Variants in ZNF846 observed in about 807,000 individuals in gnomAD.
ZNF846 encodes the protein zinc finger protein 846, also known as zinc finger protein 420 pseudogene.
A neutral mutation model predicts 16.0 loss-of-function variants in ZNF846; 15 were observed. The ratio of observed to expected loss-of-function variants is 0.94; its 90% confidence interval spans 0.63 to 1.45. The LOEUF is 1.45. Among genes scored for constraint, ZNF846 ranks in the 40% most tolerant of loss-of-function variants. ZNF846 has a pLI of 0.00. For synonymous variants in ZNF846, 229 were observed against 212.0 expected, an observed-to-expected ratio of 1.08 and a Z score of -0.70; for missense variants, 714 against 622.3, an observed-to-expected ratio of 1.15 and a Z score of -1.57.
chr19:9,753,418 ATT>A (rs575904125), downstream of ZNF846, among the ~76,000 whole-genome samples: 9 of 135,548 alleles, frequency 6.6e-5, no homozygotes, highest in Middle Eastern at 3.8e-3. Context: ...CACTGGGCTG[ATT>A]TTTTTTTTTT....
At chr19:9,758,871 A>G (rs2045177874) in intron 5 of ZNF846, 107 bp from the exon 6 acceptor site, 1 of 963,422 alleles carries the variant, frequency 1.0e-6, no homozygotes, top group Non-Finnish European at 1.5e-6. Flanking sequence ...TAAACATTTT[A>G]ACATATCCAT....
At chr19:9,755,319 A>G (rs1469304092), downstream of ZNF846, among the ~76,000 whole-genome samples, 1 of 151,770 alleles carries the variant, frequency 6.6e-6, no homozygotes, top group East Asian at 1.9e-4. Flanking sequence ...TGTCCATGAC[A>G]AGTCGTCATG....
chr19:9,769,697 T>C (rs1212122339), upstream of ZNF846, among the ~76,000 whole-genome samples: 1 of 151,240 alleles, frequency 6.6e-6, no homozygotes, highest in Non-Finnish European at 1.5e-5. Context: ...CTGATGGGGC[T>C]GGGGGCAGTG....
At position 9,758,730 on chromosome 19, in the gene ZNF846, G is replaced by A. The variant is rs758767895; in HGVS notation, c.347C>T (p.Ser116Phe). Reference sequence around the variant, plus strand: ...ATTGAAGACTTTTCCAGAATGGTTAGAGTCATACAGTTTCTCTGCAGTATT... The same window carrying A: ...ATTGAAGACTTTTCCAGAATGGTTAAAGTCATACAGTTTCTCTGCAGTATT... Residue 116 changes from serine (S) to phenylalanine (F), a missense_variant, in exon 6 of 6, where the codon TCT (serine) becomes TTT (phenylalanine). Transcript: ENST00000397902. 24 of 1,588,278 alleles carry A rather than the reference G, an allele frequency of 1.5e-5. No individual in the cohort carries two copies. Among genetic ancestry groups the A allele is most frequent in the Admixed American group, 3.6e-5 (2 of 55,804 alleles).
intron 1 of ZNF846, among the ~76,000 whole-genome samples, chr19:9,783,190 C>CT (rs1036501781): frequency 2.7e-5 from 4 of 147,970 alleles, no homozygotes; most frequent in Non-Finnish European, 4.5e-5. Context: ...AAATACAGAC[C>CT]TGAGTACCTG....
downstream of ZNF846, among the ~76,000 whole-genome samples, chr19:9,751,266 C>T (rs1364387647): frequency 6.6e-6 from 1 of 152,174 alleles, no homozygotes; most frequent in African/African-American, 2.4e-5. Context: ...ATCTCTCCCA[C>T]TTTAGGTTCC....
At chr19:9,779,688 A>G (rs1359938277) in intron 1 of ZNF846, among the ~76,000 whole-genome samples, 2 of 151,540 alleles carry the variant, frequency 1.3e-5, no homozygotes, top group Non-Finnish European at 1.5e-5. Flanking sequence ...CTCCTGCCTC[A>G]GCCTCCCAAG....
chr19:9,770,349 T>A (rs1038505827), upstream of ZNF846, among the ~76,000 whole-genome samples: 3 of 151,366 alleles, frequency 2.0e-5, no homozygotes, highest in Non-Finnish European at 4.4e-5. Flanking sequence ...ACACGTGGTG[T>A]TTGGCTTGTT....
intron 1 of ZNF846, among the ~76,000 whole-genome samples, chr19:9,780,316 G>A (rs1054860859): frequency 1.3e-5 from 2 of 151,776 alleles, no homozygotes; most frequent in Non-Finnish European, 2.9e-5. Context: ...TGATCCTCCC[G>A]CCCCAGCCTC....
chr19:9,764,758 C>G, intron 2 of ZNF846, 178 bp downstream of exon 2: 1 of 695,838 alleles, frequency 1.4e-6, no homozygotes, highest in Non-Finnish European at 2.5e-6. Flanking sequence ...CAATACACTT[C>G]CATTGCAATC....
upstream of ZNF846, among the ~76,000 whole-genome samples, chr19:9,772,970 T>C (rs1351914721): frequency 6.6e-6 from 1 of 151,972 alleles, no homozygotes; most frequent in East Asian, 1.9e-4. Context: ...AGTGGGAGGA[T>C]TGCTTGAACC....
chr19:9,763,874 GGA>G (rs1240952321), intron 2 of ZNF846, among the ~76,000 whole-genome samples: 1 of 152,154 alleles, frequency 6.6e-6, no homozygotes, highest in African/African-American at 2.4e-5. Flanking sequence ...ATTTCTGTAG[GGA>G]GACCCACTGA....
Position 9,774,150 on chromosome 19 carries a change from A to G in ZNF846, c.-85-9115T>C, listed in dbSNP as rs150203606. On this transcript the variant is annotated intron_variant, in intron 1 of 4. Transcript: ENST00000586814. Reference sequence around the variant, plus strand: ...ATGACTTAACATCATATAGATAGCAATTCTTAACAGGTTAACTCAAAAATA... The same window carrying G: ...ATGACTTAACATCATATAGATAGCAGTTCTTAACAGGTTAACTCAAAAATA... Among the ~76,000 whole-genome samples, 924 of 152,292 alleles carry G rather than the reference A, an allele frequency of 6.1e-3. 9 individuals carry two copies. The highest frequency in any genetic ancestry group is 0.041 in the South Asian group (200 of 4,830).
At chr19:9,785,147 C>A (rs2045544747) in intron 1 of ZNF846, among the ~76,000 whole-genome samples, 1 of 152,034 alleles carries the variant, frequency 6.6e-6, no homozygotes, top group South Asian at 2.1e-4. Flanking sequence ...AATACCCCGG[C>A]CCCATCTGTT....
chr19:9,773,745 G>C (rs1020549123), intron 1 of ZNF846, among the ~76,000 whole-genome samples: 2 of 152,050 alleles, frequency 1.3e-5, no homozygotes, highest in East Asian at 3.9e-4. Flanking sequence ...TTGCACCACT[G>C]CACTTCAGCC....
upstream of ZNF846, chr19:9,768,831 A>G (rs562901394): frequency 2.4e-4 from 37 of 152,350 alleles, no homozygotes; most frequent in African/African-American, 8.9e-4. Context: ...GGATGATGTG[A>G]AGCTGAGAGA....
At chr19:9,764,312 T>C (rs1029896338) in intron 2 of ZNF846, among the ~76,000 whole-genome samples, 84 of 152,332 alleles carry the variant, frequency 5.5e-4, no homozygotes, top group African/African-American at 1.9e-3. Context: ...TTTGTGGCAA[T>C]TGTTACTGCT....
chr19:9,753,176 C>T (rs2045101010), downstream of ZNF846, among the ~76,000 whole-genome samples: 2 of 151,694 alleles, frequency 1.3e-5, no homozygotes, highest in African/African-American at 4.9e-5. Context: ...AATACAATCA[C>T]TTTGGGAGTT....
At chr19:9,785,477 T>C (rs984036548) in intron 1 of ZNF846, among the ~76,000 whole-genome samples, 1 of 150,380 alleles carries the variant, frequency 6.6e-6, no homozygotes, top group African/African-American at 2.5e-5. Context: ...TCACCACTAC[T>C]CTCTTTCACG....
Sources: gnomAD v4.1 joint callset for allele counts (sites outside exome capture counted in the v4.1 genomes callset) on GRCh38, gnomAD v4.1.1 for gene constraint, MANE v1.5 for transcripts, NCBI Gene and HGNC (gene_info 2026-07-23, HGNC 2026-07-21) for gene names.